CDH13: variants seen among roughly 807,000 people sequenced by gnomAD.
CDH13 encodes cadherin-13.
In CDH13, 24 loss-of-function variants were observed where a neutral mutation model predicts 63.8. That is an observed-to-expected ratio of 0.38 (90% CI 0.27 to 0.53). CDH13 has a LOEUF of 0.53. Ranked by LOEUF, CDH13 falls within the 20% of genes least tolerant of loss-of-function variation. The pLI, the probability that CDH13 is intolerant of heterozygous loss-of-function variation, is 0.85. For missense variants in CDH13, 1,049 were observed against 903.1 expected (o/e 1.16, Z -2.07); for synonymous variants, 503 against 355.3 (o/e 1.42, Z -4.67).
intron 5 of CDH13, among the ~76,000 whole-genome samples, chr16:83,323,216 T>C (rs552122289): frequency 6.7e-6 from 1 of 148,834 alleles, no homozygotes; most frequent in Admixed American, 6.7e-5. Flanking sequence ...CTTTCTTTCT[T>C]TCTTTCTTTC....
Position 82,627,000 on chromosome 16 carries a change from G to A in CDH13, c.-93G>A. 1 of 1,429,694 alleles carries A rather than the reference G, an allele frequency of 7.0e-7. No homozygotes were observed. Among genetic ancestry groups the A allele is most frequent in the Non-Finnish European group, 9.7e-7 (1 of 1,036,054 alleles). The allele number at this position is 1,429,694 out of a possible 1,614,324, so 88.6% of individuals were successfully genotyped here. Reference sequence around the variant, plus strand: ...GAAGTTGGCTGGCTGGCGAGGCAGAGCCTCTCCTCAAAGCCTGGCTCCCAC... The same window carrying A: ...GAAGTTGGCTGGCTGGCGAGGCAGAACCTCTCCTCAAAGCCTGGCTCCCAC... On this transcript the variant is annotated 5_prime_UTR_variant, in exon 1 of 14. Coordinates refer to ENST00000567109, the MANE Select transcript of CDH13 (RefSeq NM_001257.5).
intron 7 of CDH13, among the ~76,000 whole-genome samples, chr16:83,558,507 A>T (rs957386628): frequency 6.6e-6 from 1 of 152,232 alleles, no homozygotes; most frequent in Non-Finnish European, 1.5e-5. Context: ...TGTATGTGTC[A>T]CTGCCTTAGA....
Position 83,072,668 on chromosome 16 carries a change from T to C in CDH13, c.366+40450T>C, listed in dbSNP as rs144355814. Among the ~76,000 whole-genome samples the C allele has an allele frequency of 1.1e-3, 160 of 152,268 alleles. 3 individuals carry two copies. In the East Asian group the frequency reaches 0.028, roughly 26 times the overall value. On this transcript the variant is annotated intron_variant, in intron 3 of 13. Coordinates refer to ENST00000567109, the MANE Select transcript of CDH13 (RefSeq NM_001257.5). ...CCCATTTGGGAAATGAGGGGTTTAATTGCCTCCAAGCTTGATCTGTGCATG... is the reference window on the plus strand; with the variant it reads ...CCCATTTGGGAAATGAGGGGTTTAACTGCCTCCAAGCTTGATCTGTGCATG...
intron 2 of CDH13, among the ~76,000 whole-genome samples, chr16:82,872,057 G>A (rs1283134852): frequency 6.6e-6 from 1 of 152,166 alleles, no homozygotes; most frequent in Non-Finnish European, 1.5e-5. Flanking sequence ...ATTCCCTCAA[G>A]GAAGGAAATG....
chr16:82,890,133 T>C (rs898973070), intron 2 of CDH13, among the ~76,000 whole-genome samples: 1 of 152,226 alleles, frequency 6.6e-6, no homozygotes, highest in Non-Finnish European at 1.5e-5. Flanking sequence ...AATCAGTTGA[T>C]GCTAGCTGCA....
At chr16:83,091,799 G>T (rs1456314969) in intron 3 of CDH13, among the ~76,000 whole-genome samples, 1 of 152,192 alleles carries the variant, frequency 6.6e-6, no homozygotes, top group Non-Finnish European at 1.5e-5. Flanking sequence ...GGCACATGGT[G>T]GGTGTATAAT....
At chr16:82,830,974 A>G (rs975622291) in intron 1 of CDH13, among the ~76,000 whole-genome samples, 1 of 152,072 alleles carries the variant, frequency 6.6e-6, no homozygotes, top group African/African-American at 2.4e-5. Flanking sequence ...TGCTTAGCAA[A>G]TCTTCCGCAG....
intron 2 of CDH13, chr16:82,953,228 A>G (rs1905549485): frequency 6.6e-6 from 1 of 152,222 alleles, no homozygotes; most frequent in Non-Finnish European, 1.5e-5. Flanking sequence ...AAAATACATT[A>G]CTAAATATCC....
intron 5 of CDH13, among the ~76,000 whole-genome samples, chr16:83,232,612 C>A (rs73591838): frequency 0.034 from 5,109 of 151,776 alleles, 304 homozygotes; most frequent in African/African-American, 0.12. Context: ...TTGCCTTTGC[C>A]ATGTTATACG....
chr16:83,182,145 A>G (rs2038368087), intron 4 of CDH13, among the ~76,000 whole-genome samples: 1 of 152,208 alleles, frequency 6.6e-6, no homozygotes, highest in Non-Finnish European at 1.5e-5. Context: ...GAGCAAGAGC[A>G]ATTTTACCTG....
intron 4 of CDH13, among the ~76,000 whole-genome samples, chr16:83,201,631 C>T (rs538138569): frequency 3.3e-5 from 5 of 152,112 alleles, no homozygotes; most frequent in East Asian, 1.9e-4. Flanking sequence ...GGCACGGTGG[C>T]TCACGCCTGT....
intron 11 of CDH13, among the ~76,000 whole-genome samples, chr16:83,757,046 C>CG: frequency 6.6e-6 from 1 of 152,236 alleles, no homozygotes; most frequent in South Asian, 2.1e-4. Flanking sequence ...GTCTAACAAA[C>CG]GTTTTTAACT....
At chr16:83,097,909 A>C (rs2034285821) in intron 3 of CDH13, among the ~76,000 whole-genome samples, 1 of 152,304 alleles carries the variant, frequency 6.6e-6, no homozygotes. Flanking sequence ...CTTACAAAAA[A>C]TATCCACCTA....
At chr16:83,584,259 G>A (rs1056424204) in intron 7 of CDH13, among the ~76,000 whole-genome samples, 8 of 152,164 alleles carry the variant, frequency 5.3e-5, no homozygotes, top group Admixed American at 3.9e-4. Flanking sequence ...AACCCAGGAG[G>A]CGGAGCTTGC....
intron 6 of CDH13, among the ~76,000 whole-genome samples, chr16:83,462,942 C>G (rs2073217268): frequency 6.6e-6 from 1 of 152,222 alleles, no homozygotes. Context: ...AATACACCCT[C>G]CTCTCGAGGA....
chr16:83,646,707 A>AC (rs1911842027), intron 8 of CDH13, among the ~76,000 whole-genome samples: 2 of 102,046 alleles, frequency 2.0e-5, no homozygotes, highest in Non-Finnish European at 2.3e-5. Context: ...AAAAAAAAAA[A>AC]AAAAAACACA....
At chr16:83,411,536 A>T (rs1567654318) in intron 6 of CDH13, among the ~76,000 whole-genome samples, 1 of 152,182 alleles carries the variant, frequency 6.6e-6, no homozygotes, top group Non-Finnish European at 1.5e-5. Flanking sequence ...ATTCATTTAA[A>T]TATTTAAATA....
intron 6 of CDH13, among the ~76,000 whole-genome samples, chr16:83,359,547 T>A (rs1489875307): frequency 1.3e-5 from 2 of 152,184 alleles, no homozygotes; most frequent in African/African-American, 4.8e-5. Flanking sequence ...TCTTATCAGC[T>A]GTGTTAATTT....
At chr16:83,298,050 AAAAAAAAAAAAAAG>A (rs1350860588) in intron 5 of CDH13, among the ~76,000 whole-genome samples, 1 of 148,260 alleles carries the variant, frequency 6.7e-6, no homozygotes, top group Non-Finnish European at 1.5e-5. Context: ...GTTTCTACAA[AAAAAAAAAAAAAAG>A]AAAAAGAAAA....
Sources: allele counts gnomAD v4.1 joint callset (sites outside exome capture counted in the v4.1 genomes callset), GRCh38; gene constraint gnomAD v4.1.1; transcripts MANE v1.5; gene names NCBI Gene and HGNC (gene_info 2026-07-23, HGNC 2026-07-21).